Variants in DDX19B observed in about 807,000 individuals in gnomAD.
DDX19B encodes the protein DEAD-box helicase 19B, also known as ATP-dependent RNA helicase DDX19B.
In DDX19B, 27 loss-of-function variants were observed where a neutral mutation model predicts 58.1. The observed-to-expected ratio is 0.46, with a 90% confidence interval of 0.34 to 0.64. The LOEUF is 0.64. Among genes scored for constraint, DDX19B ranks in the 30% least tolerant of loss-of-function variants. The probability of loss-of-function intolerance (pLI) is 0.01; values close to 1 mark genes in which losing one functional copy is unlikely to be tolerated. For synonymous variants in DDX19B, 187 were observed against 214.4 expected, an observed-to-expected ratio of 0.87 and a Z score of 1.12; for missense variants, 399 against 596.5, an observed-to-expected ratio of 0.67 and a Z score of 3.45.
rs1429159744 is a variant in DDX19B, at chr16:70,330,199, A to T, written c.1023+131A>T. 5 of 1,014,398 alleles carry T rather than the reference A, an allele frequency of 4.9e-6. No homozygotes were observed. The African/African-American group carries it at 8.1e-5, about 16-fold the overall frequency. 62.8% of individuals were successfully genotyped at this position (1,014,398 alleles called of 1,614,324 possible). On this transcript the variant is annotated intron_variant, in intron 9 of 11. Coordinates refer to ENST00000288071, the MANE Select transcript of DDX19B (RefSeq NM_007242.7). ...GGTTTGTTCTCCTAAGGTTTTAGTG[A>T]GTCGTAAGAGGGAGACTTTGATTCC...
At chr16:70,326,882 T>C (rs1478041008) in intron 7 of DDX19B, among the ~76,000 whole-genome samples, 1 of 151,754 alleles carries the variant, frequency 6.6e-6, no homozygotes, top group Admixed American at 6.6e-5. Flanking sequence ...TCGCCCAGGC[T>C]GGAGAGCAGT....
chr16:70,334,540 T>C lies in DDX19B; in HGVS notation c.*958T>C, dbSNP rs1567642680. ...TGTGATCAGCAGTAGTCACAAATTC[T>C]TGTTTTGTCTCCACACCCAGAAGGC... On this transcript the variant is annotated 3_prime_UTR_variant, in exon 12 of 12. Transcript: ENST00000288071. 1 of 152,222 alleles carries C rather than the reference T, an allele frequency of 6.6e-6. No individual in the cohort carries two copies. The highest frequency in any genetic ancestry group is 2.4e-5 in the African/African-American group (1 of 41,472). 9.4% of individuals were successfully genotyped at this position (152,222 alleles called of 1,614,324 possible). A position where few individuals can be genotyped will look rare whatever the true frequency, so the allele number is the denominator to read the frequency against.
upstream of DDX19B, chr16:70,290,073 G>A (rs1393191100): frequency 3.5e-6 from 1 of 287,440 alleles, no homozygotes; most frequent in African/African-American, 2.2e-5. Context: ...ATATTTATAG[G>A]CCTGGGGGAG....
chr16:70,294,042 A>AT (rs942093688), upstream of DDX19B, among the ~76,000 whole-genome samples: 13 of 151,224 alleles, frequency 8.6e-5, no homozygotes, highest in Non-Finnish European at 1.9e-4. Context: ...GCTAAATTGA[A>AT]TAGGTCTGGG....
rs551376201 is a variant in DDX19B, at chr16:70,306,127, T to TTTG, written c.58-6461_58-6459dup. 3.6e-3 allele frequency among the ~76,000 whole-genome samples: 538 copies of TTTG among 151,150 alleles called. 3 individuals are homozygous for TTTG. Among genetic ancestry groups the TTTG allele is most frequent in the South Asian group, 4.8e-3 (23 of 4,770 alleles). On this transcript the variant is annotated intron_variant, in intron 1 of 11. Transcript: ENST00000288071. ...TTAACTAACTTCTTGTTAGGTCAGTTTTGTTGTTGTTGTTGTTGTTGTTTG... is the reference window on the plus strand; with the variant it reads ...TTAACTAACTTCTTGTTAGGTCAGTTTTGTTGTTGTTGTTGTTGTTGTTGTTTG...
At chr16:70,311,036 A>ACAAAC in intron 1 of DDX19B, among the ~76,000 whole-genome samples, 1 of 151,130 alleles carries the variant, frequency 6.6e-6, no homozygotes, top group African/African-American at 2.4e-5. Context: ...GTCTCAAAAA[A>ACAAAC]AAAAAAAAGG....
intron 2 of DDX19B, among the ~76,000 whole-genome samples, chr16:70,313,635 TTACC>T (rs1286765342): frequency 1.3e-5 from 2 of 152,178 alleles, no homozygotes; most frequent in Non-Finnish European, 2.9e-5. Context: ...ATCTGACAGT[TTACC>T]TATCCTAATT....
intron 4 of DDX19B, 93 bp from the exon 5 acceptor site, chr16:70,317,403 T>G (rs1285617083): frequency 6.4e-6 from 6 of 940,062 alleles, no homozygotes; most frequent in Middle Eastern, 2.5e-4. Flanking sequence ...CAAAAAACTA[T>G]GTGTAAACAG....
intron 9 of DDX19B, among the ~76,000 whole-genome samples, chr16:70,330,613 A>C (rs1426688316): frequency 6.6e-6 from 1 of 152,076 alleles, no homozygotes; most frequent in Non-Finnish European, 1.5e-5. Context: ...CAAACAAACA[A>C]AAAACCAACA....
At chr16:70,304,256 G>T (rs1486272415) in intron 1 of DDX19B, among the ~76,000 whole-genome samples, 1 of 151,792 alleles carries the variant, frequency 6.6e-6, no homozygotes, top group Middle Eastern at 3.4e-3. Flanking sequence ...GGCCAGGCTG[G>T]TCTCAAACTG....
At chr16:70,326,913 C>T (rs1046904898) in intron 7 of DDX19B, among the ~76,000 whole-genome samples, 2 of 151,912 alleles carry the variant, frequency 1.3e-5, no homozygotes, top group African/African-American at 4.8e-5. Flanking sequence ...TGGCTCACTG[C>T]AAGCTCTGCC....
upstream of DDX19B, among the ~76,000 whole-genome samples, chr16:70,297,995 A>G (rs976319698): frequency 2.5e-4 from 38 of 152,194 alleles, no homozygotes; most frequent in African/African-American, 8.9e-4. Context: ...CTAGGATTAC[A>G]CATGTGAGCT....
At chr16:70,303,200 G>A (rs1360701990) in intron 1 of DDX19B, among the ~76,000 whole-genome samples, 1 of 152,152 alleles carries the variant, frequency 6.6e-6, no homozygotes, top group Non-Finnish European at 1.5e-5. Context: ...TCAGGCTAGA[G>A]TGCAGTGGCA....
chr16:70,317,391 A>G (rs1962489542), intron 4 of DDX19B, 105 bp from the exon 5 acceptor site: 1 of 854,266 alleles, frequency 1.2e-6, no homozygotes, highest in Admixed American at 2.6e-5. Context: ...AAAACAAACA[A>G]ACAAAAAACT....
intron 1 of DDX19B, among the ~76,000 whole-genome samples, chr16:70,308,555 G>A (rs1457597526): frequency 6.6e-6 from 1 of 151,502 alleles, no homozygotes; most frequent in African/African-American, 2.4e-5. Context: ...TATTTTTTAG[G>A]AGATGGGGTC....
At chr16:70,330,169 G>A (rs941809254) in intron 9 of DDX19B, 101 bp downstream of exon 9, 124 of 1,381,986 alleles carry the variant, frequency 9.0e-5, no homozygotes, top group African/African-American at 2.0e-4. Flanking sequence ...GGGAAGAAAC[G>A]AAGTGGTTTG....
chr16:70,290,857 G>T (rs1333123671), upstream of DDX19B, among the ~76,000 whole-genome samples: 2 of 152,146 alleles, frequency 1.3e-5, no homozygotes, highest in South Asian at 2.1e-4. Flanking sequence ...TGTGGAGACA[G>T]GATCCAAACC....
intron 1 of DDX19B, among the ~76,000 whole-genome samples, chr16:70,306,266 C>T (rs1961748123): frequency 6.6e-6 from 1 of 152,088 alleles, no homozygotes; most frequent in African/African-American, 2.4e-5. Context: ...GTCCTCCCAC[C>T]TCAGCCTTGC....
At position 70,315,374 on chromosome 16, in the gene DDX19B, G is replaced by A. The variant is rs144353618; in HGVS notation, c.160+419G>A. 2.1e-4 allele frequency among the ~76,000 whole-genome samples: 30 copies of A among 144,920 alleles called. No homozygotes were observed. In the East Asian group the frequency reaches 4.0e-3, roughly 19 times the overall value. ...TGCACTCTAGCCTGGGCGAAAGAGC[G>A]AGACTCTGTCTCAAAAAAAAAAAAA... On this transcript the variant is annotated intron_variant, in intron 3 of 11. Transcript: ENST00000288071.
Sources: gnomAD v4.1 joint callset for allele counts (sites outside exome capture counted in the v4.1 genomes callset) on GRCh38, gnomAD v4.1.1 for gene constraint, MANE v1.5 for transcripts, NCBI Gene and HGNC (gene_info 2026-07-23, HGNC 2026-07-21) for gene names.